STRA8: variants seen among roughly 807,000 people sequenced by gnomAD.
STRA8 encodes the protein stimulated by retinoic acid 8.
In STRA8, 18 loss-of-function variants were observed where a neutral mutation model predicts 37.1. That is an observed-to-expected ratio of 0.48 (90% confidence interval 0.34 to 0.72). The LOEUF (loss-of-function observed/expected upper bound fraction) is 0.72. Ranked by LOEUF, STRA8 falls within the 30% of genes least tolerant of loss-of-function variation. STRA8 has a pLI of 0.01. For missense variants in STRA8, 357 were observed against 410.4 expected (o/e 0.87, Z 1.13); for synonymous variants, 168 against 162.9 (o/e 1.03, Z -0.24).
At position 135,255,119 on chromosome 7, in the gene STRA8, T is replaced by C; in HGVS notation, c.959T>C (p.Val320Ala). The C allele has an allele frequency of 6.2e-7, 1 of 1,613,838 alleles. No homozygotes were observed. Among genetic ancestry groups the C allele is most frequent in the Non-Finnish European group, 8.5e-7 (1 of 1,179,742 alleles). ...TTCTTCCTTTCTGTTGTCAGTTCAGTGCTTGCCAGCTGCAACCCAGAAAAC... is the reference window on the plus strand; with the variant it reads ...TTCTTCCTTTCTGTTGTCAGTTCAGCGCTTGCCAGCTGCAACCCAGAAAAC... ...EVPSTSSSSS[V>A]LASCNPENPE... Residue 320 changes from valine to alanine, a missense_variant, in exon 8 of 9, where the codon GTG (valine) becomes GCG (alanine). Coordinates refer to ENST00000662584, the MANE Select transcript of STRA8 (RefSeq NM_001394401.1).
chr7:135,247,093 C>T (rs1832572148), intron 6 of STRA8: 1 of 172,770 alleles, frequency 5.8e-6, no homozygotes, highest in African/African-American at 2.4e-5. Context: ...GATCCACCCG[C>T]CTCGGCCTTC....
At chr7:135,243,007 A>G in intron 3 of STRA8, 151 bp downstream of exon 3, 1 of 873,680 alleles carries the variant, frequency 1.1e-6, no homozygotes, top group East Asian at 2.6e-5. Flanking sequence ...GCCAATGTTG[A>G]GGGTCCCTGT....
chr7:135,232,214 C>A (rs541041383), upstream of STRA8, among the ~76,000 whole-genome samples: 32 of 151,916 alleles, frequency 2.1e-4, no homozygotes, highest in South Asian at 6.7e-3. Flanking sequence ...GGATAAGGCT[C>A]CCCAAGACAG....
intron 3 of STRA8, 37 bp from the exon 4 acceptor site, chr7:135,243,287 CTT>C (rs746573622): frequency 5.0e-6 from 8 of 1,609,968 alleles, no homozygotes; most frequent in Non-Finnish European, 5.1e-6. Context: ...AGAGGCCTGA[CTT>C]TTCTCTTTGT....
At chr7:135,240,050 T>C (rs926292038) in intron 1 of STRA8, among the ~76,000 whole-genome samples, 3 of 152,134 alleles carry the variant, frequency 2.0e-5, no homozygotes, top group Admixed American at 6.5e-5. Context: ...AAGTACCTGT[T>C]CAGCTTTGAA....
chr7:135,237,703 C>T (rs1832398144), intron 1 of STRA8, among the ~76,000 whole-genome samples: 1 of 152,122 alleles, frequency 6.6e-6, no homozygotes, highest in Non-Finnish European at 1.5e-5. Flanking sequence ...ACCAGCCTGA[C>T]CAACACGGTG....
At chr7:135,240,467 A>G in intron 1 of STRA8, 52 bp from the exon 2 acceptor site, 1 of 1,564,782 alleles carries the variant, frequency 6.4e-7, no homozygotes, top group Non-Finnish European at 8.7e-7. Context: ...TTCCTTTAAT[A>G]TTGTATTTTT....
chr7:135,248,536 C>T (rs946739343), intron 6 of STRA8, among the ~76,000 whole-genome samples: 4 of 151,932 alleles, frequency 2.6e-5, no homozygotes, highest in Admixed American at 1.3e-4. Flanking sequence ...AGTGAGACTG[C>T]GTCTCTACTA....
chr7:135,240,315 A>G (rs772567951), intron 1 of STRA8, among the ~76,000 whole-genome samples: 3 of 152,168 alleles, frequency 2.0e-5, no homozygotes, highest in Non-Finnish European at 2.9e-5. Context: ...ATTGACCAAC[A>G]TCACCTTCAA....
intron 6 of STRA8, 146 bp from the exon 7 acceptor site, chr7:135,251,650 T>C (rs538342585): frequency 4.5e-5 from 33 of 741,530 alleles, no homozygotes; most frequent in Non-Finnish European, 7.3e-5. Context: ...GCAGAGCCCC[T>C]GGGTGTGGGC....
chr7:135,252,011 A>G, intron 7 of STRA8, 142 bp downstream of exon 7: 1 of 647,016 alleles, frequency 1.5e-6, no homozygotes, highest in Non-Finnish European at 2.6e-6. Flanking sequence ...GGAGAGAGAG[A>G]GAGTGTGTGT....
intron 1 of STRA8, among the ~76,000 whole-genome samples, 50 bp downstream of exon 1, chr7:135,233,953 G>A (rs1832329214): frequency 6.6e-6 from 1 of 152,176 alleles, no homozygotes; most frequent in Non-Finnish European, 1.5e-5. Flanking sequence ...TTGGGCATAT[G>A]AGTGTTTGTG....
chr7:135,236,311 A>C (rs1832377837), intron 1 of STRA8, among the ~76,000 whole-genome samples: 1 of 151,774 alleles, frequency 6.6e-6, no homozygotes, highest in African/African-American at 2.4e-5. Context: ...TGAACTAGAG[A>C]GATTTCTTGC....
At chr7:135,255,072 G>C (rs779970929) in intron 7 of STRA8, 42 bp from the exon 8 acceptor site, 1 of 1,490,488 alleles carries the variant, frequency 6.7e-7, no homozygotes, top group South Asian at 1.1e-5. Context: ...GAAAGATCAG[G>C]ATCCTGAATA....
Position 135,246,294 on chromosome 7 carries a change from C to A in STRA8, c.594-123C>A. On this transcript the variant is annotated intron_variant, in intron 5 of 8. Transcript: ENST00000662584. The surrounding 1 kb of genome is among the most constrained non-coding windows in gnomAD (Gnocchi z 5.4). ...GGGGCGTGCAGAGTCTGAGAAGTCT[C>A]AGCCCTGGTGAGCCGTGGCGCCGTG... 1 of 1,311,022 alleles carries A rather than the reference C, an allele frequency of 7.6e-7. No individual in the cohort carries two copies. The highest frequency in any genetic ancestry group is 1.9e-4 in the Middle Eastern group (1 of 5,366). 81.2% of individuals were successfully genotyped at this position (1,311,022 alleles called of 1,614,324 possible).
intron 4 of STRA8, among the ~76,000 whole-genome samples, 190 bp from the exon 5 acceptor site, chr7:135,245,098 T>C (rs1832525875): frequency 6.6e-6 from 1 of 152,146 alleles, no homozygotes; most frequent in Non-Finnish European, 1.5e-5. Flanking sequence ...GTGAATTGCA[T>C]TGATTGATTT....
Position 135,246,361 on chromosome 7 carries a change from C to T in STRA8, c.594-56C>T, listed in dbSNP as rs1832553218. 3 of 1,559,758 alleles carry T rather than the reference C, an allele frequency of 1.9e-6. No homozygotes were observed. The highest frequency in any genetic ancestry group is 2.6e-6 in the Non-Finnish European group (3 of 1,150,986). ...GGGGTCCACACCATGAACCGAATCC[C>T]GAATCGCTTCGAGAGGGAGCTTTAG... is the stretch of plus-strand genomic sequence containing the variant. On this transcript the variant is annotated intron_variant, in intron 5 of 8. Transcript: ENST00000662584. The surrounding 1 kb of genome is among the most constrained non-coding windows in gnomAD (Gnocchi z 5.4).
At chr7:135,239,399 T>C (rs1483222548) in intron 1 of STRA8, among the ~76,000 whole-genome samples, 3 of 152,148 alleles carry the variant, frequency 2.0e-5, no homozygotes, top group Non-Finnish European at 2.9e-5. Context: ...ACCTCAAAAT[T>C]AACAAACCCC....
upstream of STRA8, among the ~76,000 whole-genome samples, chr7:135,233,204 A>G (rs1159791039): frequency 2.0e-5 from 3 of 152,046 alleles, no homozygotes; most frequent in African/African-American, 7.3e-5. Context: ...CCCAGAGTGA[A>G]CCCCTTTTCT....
Sources: allele counts gnomAD v4.1 joint callset (sites outside exome capture counted in the v4.1 genomes callset), GRCh38; gene constraint gnomAD v4.1.1; non-coding constraint Gnocchi (gnomAD v3.1); transcripts MANE v1.5; gene names NCBI Gene and HGNC (gene_info 2026-07-23, HGNC 2026-07-21).